AVL9: variants seen among roughly 807,000 people sequenced by gnomAD.
AVL9 encodes late secretory pathway protein AVL9 homolog.
Under a neutral mutation model 79.2 loss-of-function variants are expected in AVL9, and 49 were observed. That is an observed-to-expected ratio of 0.62 (90% CI 0.49 to 0.79). The LOEUF (loss-of-function observed/expected upper bound fraction) is 0.79, where lower values mean the gene tolerates loss of function less well. Ranked by LOEUF, AVL9 falls within the 30% of genes least tolerant of loss-of-function variation. AVL9 has a pLI of 0.00. For synonymous variants in AVL9, 299 were observed against 280.6 expected (o/e 1.07, Z -0.65); for missense variants, 682 against 776.8 (o/e 0.88, Z 1.45).
At position 32,539,657 on chromosome 7, in the gene AVL9, G is replaced by A. The variant is rs191814421; in HGVS notation, c.94-3484G>A. Among the ~76,000 whole-genome samples the A allele has an allele frequency of 4.6e-5, 7 of 152,282 alleles. No individual in the cohort carries two copies. In the East Asian group the frequency reaches 1.4e-3, roughly 29 times the overall value. On this transcript the variant is annotated intron_variant, in intron 1 of 15. Coordinates refer to ENST00000318709, the MANE Select transcript of AVL9 (RefSeq NM_015060.3). ...CAGTATTTATTAGTTTTCTCTTGCT[G>A]CTGAAAAATTACCACAAATGTAGTG...
At chr7:32,568,802 T>C (rs960912394) in intron 10 of AVL9, among the ~76,000 whole-genome samples, 1 of 152,234 alleles carries the variant, frequency 6.6e-6, no homozygotes, top group Non-Finnish European at 1.5e-5. Context: ...TTGTTATTAT[T>C]ATGAAATATA....
intron 1 of AVL9, among the ~76,000 whole-genome samples, chr7:32,519,925 TGA>T (rs904321693): frequency 4.6e-5 from 7 of 152,080 alleles, no homozygotes; most frequent in African/African-American, 1.4e-4. Flanking sequence ...TGTGGAAGTG[TGA>T]GAGAGAGAGT....
At chr7:32,552,130 C>T (rs1470631780) in intron 5 of AVL9, 99 bp from the exon 6 acceptor site, 1 of 737,794 alleles carries the variant, frequency 1.4e-6, no homozygotes, top group Non-Finnish European at 2.3e-6. Context: ...GCAGAACAAA[C>T]TACCTCAATT....
chr7:32,537,960 A>G (rs1788991975), intron 1 of AVL9: 1 of 152,218 alleles, frequency 6.6e-6, no homozygotes, highest in Non-Finnish European at 1.5e-5. Flanking sequence ...ACACTTTCCC[A>G]AAGAAACAAT....
chr7:32,528,171 C>T (rs1306207189), intron 1 of AVL9, among the ~76,000 whole-genome samples: 1 of 152,120 alleles, frequency 6.6e-6, no homozygotes, highest in Non-Finnish European at 1.5e-5. Flanking sequence ...GGAAACACCA[C>T]CCACCCTGAC....
chr7:32,518,072 C>T (rs1025524759), intron 1 of AVL9, among the ~76,000 whole-genome samples: 2 of 152,232 alleles, frequency 1.3e-5, no homozygotes, highest in Admixed American at 1.3e-4. Flanking sequence ...ATCAAGTGAT[C>T]GACCCAACTC....
chr7:32,546,561 A>G (rs775145387), intron 3 of AVL9, among the ~76,000 whole-genome samples: 5 of 152,182 alleles, frequency 3.3e-5, no homozygotes, highest in African/African-American at 7.2e-5. Context: ...GGTGGCTCAC[A>G]CCTGTAATCC....
At chr7:32,503,046 A>G (rs931415772) in intron 1 of AVL9, among the ~76,000 whole-genome samples, 2 of 152,216 alleles carry the variant, frequency 1.3e-5, no homozygotes, top group East Asian at 1.9e-4. Context: ...CCTTCTTGGT[A>G]TACTGTCAAG....
chr7:32,503,373 TACACAC>T (rs1185553909), intron 1 of AVL9, among the ~76,000 whole-genome samples: 7 of 105,814 alleles, frequency 6.6e-5, no homozygotes, highest in African/African-American at 2.5e-4. Context: ...TATATATATA[TACACAC>T]ACACACACAC....
chr7:32,517,486 A>G (rs1787955050), intron 1 of AVL9, among the ~76,000 whole-genome samples: 1 of 151,782 alleles, frequency 6.6e-6, no homozygotes, highest in African/African-American at 2.4e-5. Context: ...TTGTAGTTTT[A>G]GTAGAGACGG....
chr7:32,547,962 A>G (rs898786500), intron 3 of AVL9, among the ~76,000 whole-genome samples: 1 of 152,166 alleles, frequency 6.6e-6, no homozygotes, highest in Admixed American at 6.5e-5. Context: ...TTTGCTCTCT[A>G]CTAGAAGAGG....
intron 13 of AVL9, among the ~76,000 whole-genome samples, chr7:32,577,691 T>C (rs902258069): frequency 2.6e-5 from 4 of 152,286 alleles, no homozygotes; most frequent in Middle Eastern, 3.4e-3. Context: ...ACCAGCTCTA[T>C]AGATGTTAGT....
intron 1 of AVL9, among the ~76,000 whole-genome samples, chr7:32,523,817 T>C (rs1788284783): frequency 1.3e-5 from 2 of 149,474 alleles, no homozygotes; most frequent in Admixed American, 6.7e-5. Flanking sequence ...CACTGCAAGC[T>C]CCGCCTCCTG....
intron 1 of AVL9, among the ~76,000 whole-genome samples, chr7:32,541,109 G>A (rs1393511240): frequency 6.6e-6 from 1 of 151,706 alleles, no homozygotes; most frequent in East Asian, 1.9e-4. Context: ...CACCGTTTTA[G>A]CCGGGATGGT....
intron 1 of AVL9, among the ~76,000 whole-genome samples, chr7:32,503,674 C>A (rs1026918299): frequency 7.0e-6 from 1 of 142,174 alleles, no homozygotes; most frequent in Non-Finnish European, 1.5e-5. Context: ...GTGCACATGG[C>A]TACAAGGTTC....
chr7:32,564,338 C>CTT (rs1790461468), intron 10 of AVL9, among the ~76,000 whole-genome samples: 1 of 152,174 alleles, frequency 6.6e-6, no homozygotes. Flanking sequence ...CCAATGCTGA[C>CTT]TTTTTCATGT....
At chr7:32,576,975 T>C (rs2128152854) in intron 13 of AVL9, among the ~76,000 whole-genome samples, 1 of 152,304 alleles carries the variant, frequency 6.6e-6, no homozygotes, top group East Asian at 1.9e-4. Context: ...CATCTGAGTG[T>C]GAATACAACA....
Position 32,559,115 on chromosome 7 carries a change from C to G in AVL9, c.866C>G (p.Ala289Gly). Reference protein sequence around the residue: ...KVMAGNHGEDAAMKTEEPLFQ... With the variant: ...KVMAGNHGEDGAMKTEEPLFQ... ...ATGGCAGGAAACCATGGAGAAGATG[C>G]TGCCATGAAGACTGAGGAGCCTTTG... The change falls in exon 10 of 16, where the codon GCT (alanine) becomes GGT (glycine). Residue 289 changes from alanine to glycine, a missense_variant. Coordinates refer to ENST00000318709, the MANE Select transcript of AVL9 (RefSeq NM_015060.3). 6.2e-7 allele frequency: 1 copy of G among 1,613,930 alleles called. No individual in the cohort carries two copies. Among genetic ancestry groups the G allele is most frequent in the Non-Finnish European group, 8.5e-7 (1 of 1,179,914 alleles).
rs1790220095 is a variant in AVL9 at position 32,559,158 on chromosome 7, C to T, written c.909C>T (p.Ser303=). ...AGCCTTTGTTCCAAGTGGAAGACAG[C>T]AGCAAAGGGCAGGAACCCAATGATA... ...TEEPLFQVED[S]SKGQEPNDTN... Residue 303 remains serine (S), a synonymous_variant, in exon 10 of 16, where the codon AGC becomes AGT. Coordinates refer to ENST00000318709, the MANE Select transcript of AVL9 (RefSeq NM_015060.3). 1 of 1,613,974 alleles carries T rather than the reference C, an allele frequency of 6.2e-7. No individual in the cohort carries two copies. Among genetic ancestry groups the T allele is most frequent in the African/African-American group, 1.3e-5 (1 of 74,916 alleles).
Sources: allele counts gnomAD v4.1 joint callset (sites outside exome capture counted in the v4.1 genomes callset), GRCh38; gene constraint gnomAD v4.1.1; transcripts MANE v1.5; gene names NCBI Gene and HGNC (gene_info 2026-07-23, HGNC 2026-07-21).